Variants in DLGAP2 observed in about 807,000 individuals in gnomAD.
DLGAP2 encodes the protein DLG associated protein 2.
A neutral mutation model predicts 100.3 loss-of-function variants in DLGAP2; 26 were observed. That is an observed-to-expected ratio of 0.26 (90% confidence interval 0.19 to 0.36). The LOEUF (loss-of-function observed/expected upper bound fraction) is 0.36. Ranked by LOEUF, DLGAP2 falls within the 10% of genes least tolerant of loss-of-function variation. The pLI, the probability that DLGAP2 is intolerant of heterozygous loss-of-function variation, is 1.00. For missense variants in DLGAP2, 1,858 were observed against 1,453.2 expected (o/e 1.28, Z -4.53); for synonymous variants, 886 against 630.1 (o/e 1.41, Z -6.08).
chr8:1,581,145 T>C (rs1252313826), intron 6 of DLGAP2, among the ~76,000 whole-genome samples: 1 of 127,274 alleles, frequency 7.9e-6, no homozygotes, highest in Admixed American at 8.2e-5. Flanking sequence ...CACACCACAG[T>C]CAAACTACCA....
chr8:1,381,667 C>G (rs1398677181), intron 3 of DLGAP2, among the ~76,000 whole-genome samples: 1 of 152,154 alleles, frequency 6.6e-6, no homozygotes, highest in Non-Finnish European at 1.5e-5. Context: ...AGTGAGGCCA[C>G]TCAGTGTTTG....
At chr8:1,256,364 G>C (rs1427470369) in intron 2 of DLGAP2, among the ~76,000 whole-genome samples, 1 of 145,310 alleles carries the variant, frequency 6.9e-6, no homozygotes, top group African/African-American at 2.6e-5. Context: ...CCCGGGTGCT[G>C]TGTGTGTGTC....
intron 4 of DLGAP2, among the ~76,000 whole-genome samples, chr8:1,508,813 C>T (rs1167668756): frequency 6.6e-6 from 1 of 151,620 alleles, no homozygotes; most frequent in Non-Finnish European, 1.5e-5. Flanking sequence ...CCGGGGAAGA[C>T]GGGGAAGACG....
At chr8:1,147,234 T>C (rs778704111) in intron 2 of DLGAP2, among the ~76,000 whole-genome samples, 6 of 152,212 alleles carry the variant, frequency 3.9e-5, no homozygotes, top group Admixed American at 2.6e-4. Context: ...TATTTCCTCA[T>C]GCTATTGTAA....
At chr8:1,187,602 C>A (rs1187549953) in intron 2 of DLGAP2, among the ~76,000 whole-genome samples, 1 of 145,890 alleles carries the variant, frequency 6.9e-6, no homozygotes, top group Non-Finnish European at 1.5e-5. Context: ...ACGTTTCCCT[C>A]ACGGAATCTC....
At chr8:1,672,312 G>A (rs750715286) in intron 10 of DLGAP2, among the ~76,000 whole-genome samples, 41 of 149,532 alleles carry the variant, frequency 2.7e-4, no homozygotes, top group Non-Finnish European at 5.5e-4. Context: ...TGCAGCCTCC[G>A]CCTCCACCTC....
chr8:1,318,578 A>G (rs1365530159), intron 3 of DLGAP2, among the ~76,000 whole-genome samples: 1 of 151,340 alleles, frequency 6.6e-6, no homozygotes, highest in Non-Finnish European at 1.5e-5. Context: ...CCTCCAGTTT[A>G]TCACCTAGGG....
At chr8:1,614,064 A>G (rs1019872808) in intron 6 of DLGAP2, among the ~76,000 whole-genome samples, 1 of 152,160 alleles carries the variant, frequency 6.6e-6, no homozygotes, top group Admixed American at 6.5e-5. Context: ...TGGAAGAGCC[A>G]GGTGGGGGAG....
intron 6 of DLGAP2, among the ~76,000 whole-genome samples, chr8:1,580,581 G>A (rs536600118): frequency 6.6e-6 from 1 of 152,154 alleles, no homozygotes; most frequent in African/African-American, 2.4e-5. Flanking sequence ...CTAATGCCAG[G>A]GAGTTTCTAA....
intron 3 of DLGAP2, among the ~76,000 whole-genome samples, chr8:1,391,833 A>T (rs146981179): frequency 6.6e-6 from 1 of 152,232 alleles, no homozygotes; most frequent in South Asian, 2.1e-4. Context: ...GAAGCAGCAA[A>T]TGTGTTGCTG....
At chr8:1,579,149 G>C (rs1803119839) in intron 6 of DLGAP2, among the ~76,000 whole-genome samples, 1 of 152,042 alleles carries the variant, frequency 6.6e-6, no homozygotes, top group South Asian at 2.1e-4. Context: ...AGTTCAATTA[G>C]AAAGTCAAAG....
intron 6 of DLGAP2, among the ~76,000 whole-genome samples, chr8:1,618,025 C>G (rs1797213773): frequency 6.6e-6 from 1 of 152,136 alleles, no homozygotes; most frequent in African/African-American, 2.4e-5. Flanking sequence ...CATTTAACTC[C>G]CTCCGTAAGA....
intron 4 of DLGAP2, among the ~76,000 whole-genome samples, chr8:1,513,166 A>G (rs1359481553): frequency 5.6e-5 from 5 of 88,952 alleles, no homozygotes; most frequent in Admixed American, 1.1e-4. Flanking sequence ...TCCCAGTGCA[A>G]GGGAGGACGG....
chr8:826,410 C>T (rs184744865), intron 1 of DLGAP2, among the ~76,000 whole-genome samples: 4 of 152,192 alleles, frequency 2.6e-5, no homozygotes, highest in Admixed American at 2.0e-4. Context: ...TTATTTCCTT[C>T]CTTTCATTCA....
chr8:1,068,268 G>A (rs1218687819), intron 2 of DLGAP2, among the ~76,000 whole-genome samples: 1 of 152,214 alleles, frequency 6.6e-6, no homozygotes. Context: ...AAACATCTGT[G>A]TGCAGGCTTT....
chr8:1,471,810 T>C (rs1185759359), intron 3 of DLGAP2, among the ~76,000 whole-genome samples: 1 of 152,164 alleles, frequency 6.6e-6, no homozygotes, highest in East Asian at 1.9e-4. Context: ...TAAAGCTGGG[T>C]GAAATCACAT....
At chr8:1,374,300 C>T (rs1400149814) in intron 3 of DLGAP2, among the ~76,000 whole-genome samples, 2 of 151,744 alleles carry the variant, frequency 1.3e-5, no homozygotes, top group African/African-American at 2.4e-5. Flanking sequence ...GAGGTGGGGC[C>T]TTCTCCCTGC....
At chr8:1,363,550 C>T (rs1008039435) in intron 3 of DLGAP2, among the ~76,000 whole-genome samples, 1 of 152,190 alleles carries the variant, frequency 6.6e-6, no homozygotes, top group African/African-American at 2.4e-5. Context: ...TGGTGGGGTC[C>T]CCGGCATTTC....
chr8:1,362,531 T>G (rs907865002), intron 3 of DLGAP2, among the ~76,000 whole-genome samples: 1 of 152,112 alleles, frequency 6.6e-6, no homozygotes, highest in Non-Finnish European at 1.5e-5. Flanking sequence ...CCGTGAGCCT[T>G]GGCTTCCACA....
Sources: allele counts gnomAD v4.1 joint callset (sites outside exome capture counted in the v4.1 genomes callset), GRCh38; gene constraint gnomAD v4.1.1; transcripts MANE v1.5; gene names NCBI Gene and HGNC (gene_info 2026-07-23, HGNC 2026-07-21).